ADAMTSL3: variants seen among roughly 807,000 people sequenced by gnomAD.
ADAMTSL3 encodes ADAMTS like 3.
ADAMTSL3 carries 128 observed loss-of-function variants against 201.7 expected under a neutral mutation model. That is an observed-to-expected ratio of 0.63 (90% CI 0.55 to 0.73). ADAMTSL3 has a LOEUF of 0.73. Ranked by LOEUF, ADAMTSL3 falls within the 30% of genes least tolerant of loss-of-function variation. The pLI is 0.00. For missense variants in ADAMTSL3, 1,990 were observed against 2,119.6 expected (o/e 0.94, Z 1.20); for synonymous variants, 738 against 748.4 (o/e 0.99, Z 0.23).
chr15:83,826,205 A>C (rs947717617), intron 6 of ADAMTSL3, among the ~76,000 whole-genome samples: 2 of 152,084 alleles, frequency 1.3e-5, no homozygotes, highest in Non-Finnish European at 2.9e-5. Context: ...TCCTGGGCTC[A>C]AGTAATCCTC....
intron 4 of ADAMTSL3, among the ~76,000 whole-genome samples, chr15:83,802,217 A>G (rs1318515473): frequency 2.6e-5 from 4 of 152,234 alleles, no homozygotes; most frequent in Non-Finnish European, 5.9e-5. Flanking sequence ...TGAAAAATTC[A>G]TATTATGAAA....
chr15:83,844,340 T>A (rs80301218), intron 7 of ADAMTSL3, among the ~76,000 whole-genome samples: 17,583 of 152,198 alleles, frequency 0.12, 1,184 homozygotes, highest in South Asian at 0.24. Context: ...TCTTAAGATT[T>A]TTTCCCTTCA....
intron 10 of ADAMTSL3, 125 bp downstream of exon 10, chr15:83,885,337 A>G: frequency 1.4e-6 from 1 of 734,568 alleles, no homozygotes; most frequent in Non-Finnish European, 2.3e-6. Context: ...ACAGCACCTT[A>G]CTCAGCAGCC....
At chr15:83,910,236 T>C (rs553193936) in intron 15 of ADAMTSL3, among the ~76,000 whole-genome samples, 27 of 152,244 alleles carry the variant, frequency 1.8e-4, no homozygotes, top group African/African-American at 6.0e-4. Context: ...TTTTAAGTTC[T>C]TCCATGTGCA....
chr15:83,990,579 C>T (rs1439157372), intron 22 of ADAMTSL3, among the ~76,000 whole-genome samples: 1 of 152,128 alleles, frequency 6.6e-6, no homozygotes, highest in African/African-American at 2.4e-5. Context: ...GGATCAGGAC[C>T]TTCTGTCCTG....
At chr15:83,788,745 C>T (rs2063300771) in intron 4 of ADAMTSL3, among the ~76,000 whole-genome samples, 1 of 152,148 alleles carries the variant, frequency 6.6e-6, no homozygotes, top group Admixed American at 6.6e-5. Flanking sequence ...AACTCATTCT[C>T]TTCAGTCCTG....
At position 83,804,647 on chromosome 15, in the gene ADAMTSL3, TA is replaced by T; in HGVS notation, c.318-2del. ...CTTCTTTCTTCTTTCTTTTTTCCTT[TA>T]GGAATTGTGAAGGGCAGAACATTCG... On this transcript the variant is annotated splice_acceptor_variant, in intron 4 of 29. Transcript: ENST00000286744. LOFTEE classifies it high-confidence loss of function. 1 of 1,562,042 alleles carries T rather than the reference TA, an allele frequency of 6.4e-7. No individual in the cohort carries two copies. Among genetic ancestry groups the T allele is most frequent in the Non-Finnish European group, 8.7e-7 (1 of 1,149,868 alleles).
chr15:83,925,312 C>G (rs1201604484), intron 17 of ADAMTSL3, among the ~76,000 whole-genome samples: 3 of 152,168 alleles, frequency 2.0e-5, no homozygotes, highest in African/African-American at 7.2e-5. Flanking sequence ...TGTTTTGTAT[C>G]CATTACCATA....
intron 4 of ADAMTSL3, among the ~76,000 whole-genome samples, chr15:83,777,585 T>TA (rs2063099652): frequency 2.0e-5 from 3 of 151,908 alleles, no homozygotes; most frequent in Admixed American, 6.6e-5. Context: ...TCAAGGTCAT[T>TA]AAAAAAATAG....
intron 16 of ADAMTSL3, among the ~76,000 whole-genome samples, chr15:83,914,104 A>G (rs1479386377): frequency 2.6e-5 from 4 of 152,252 alleles, no homozygotes; most frequent in African/African-American, 9.6e-5. Flanking sequence ...CCAGGAATCC[A>G]GAGCCCCTGT....
chr15:83,869,048 A>T (rs1232840111), intron 8 of ADAMTSL3, among the ~76,000 whole-genome samples: 1 of 152,016 alleles, frequency 6.6e-6, no homozygotes, highest in East Asian at 1.9e-4. Context: ...AGCAATTACT[A>T]CTCCAACACA....
intron 27 of ADAMTSL3, among the ~76,000 whole-genome samples, chr15:84,027,082 CAAAT>C (rs144748134): frequency 1.2e-4 from 18 of 152,202 alleles, no homozygotes; most frequent in South Asian, 1.0e-3. Flanking sequence ...AATAAAAACA[CAAAT>C]AAACTATCAG....
intron 19 of ADAMTSL3, among the ~76,000 whole-genome samples, chr15:83,958,746 C>T (rs1056554647): frequency 6.6e-6 from 1 of 151,834 alleles, no homozygotes. Flanking sequence ...AGAAACAAAT[C>T]AGAAATAGAA....
chr15:83,714,149 A>G (rs1051133589), intron 3 of ADAMTSL3, among the ~76,000 whole-genome samples: 2 of 152,164 alleles, frequency 1.3e-5, no homozygotes, highest in African/African-American at 2.4e-5. Context: ...AGGGTGGCCA[A>G]CTGTCCTGGC....
intron 2 of ADAMTSL3, among the ~76,000 whole-genome samples, chr15:83,672,678 A>T (rs973640447): frequency 1.3e-5 from 2 of 152,216 alleles, no homozygotes; most frequent in African/African-American, 4.8e-5. Context: ...TTACTGTTCA[A>T]CCCAAATTCC....
intron 23 of ADAMTSL3, among the ~76,000 whole-genome samples, chr15:83,997,234 A>G (rs901163109): frequency 6.6e-6 from 1 of 152,210 alleles, no homozygotes; most frequent in Non-Finnish European, 1.5e-5. Context: ...CTGGGAGACA[A>G]AAGAAGAAAA....
intron 16 of ADAMTSL3, among the ~76,000 whole-genome samples, chr15:83,923,095 C>T (rs2066177961): frequency 6.6e-6 from 1 of 152,062 alleles, no homozygotes; most frequent in African/African-American, 2.4e-5. Context: ...TTCATATTTT[C>T]ACAAGGAGCA....
intron 5 of ADAMTSL3, among the ~76,000 whole-genome samples, chr15:83,812,921 T>C (rs2063719610): frequency 6.6e-6 from 1 of 152,230 alleles, no homozygotes; most frequent in Non-Finnish European, 1.5e-5. Flanking sequence ...GAGATTTAAG[T>C]AACCTGCCCA....
At chr15:83,853,800 C>T (rs1288813196) in intron 7 of ADAMTSL3, among the ~76,000 whole-genome samples, 2 of 152,018 alleles carry the variant, frequency 1.3e-5, no homozygotes, top group Non-Finnish European at 2.9e-5. Context: ...TTCAAGCATA[C>T]ATAAAAGTTG....
Sources: allele counts gnomAD v4.1 joint callset (sites outside exome capture counted in the v4.1 genomes callset), GRCh38; gene constraint gnomAD v4.1.1; transcripts MANE v1.5; gene names NCBI Gene and HGNC (gene_info 2026-07-23, HGNC 2026-07-21).